The following PTPRN2 variants were observed in gnomAD, a reference collection of about 807,000 sequenced individuals.
PTPRN2 encodes the protein protein tyrosine phosphatase receptor type N2, also known as receptor-type tyrosine-protein phosphatase N2.
A neutral mutation model predicts 118.8 loss-of-function variants in PTPRN2; 74 were observed. That is an observed-to-expected ratio of 0.62 (90% CI 0.52 to 0.76). The LOEUF (loss-of-function observed/expected upper bound fraction) is 0.76, where lower values mean the gene tolerates loss of function less well. Among genes scored for constraint, PTPRN2 ranks in the 30% least tolerant of loss-of-function variants. The pLI is 0.00. For missense variants in PTPRN2, 1,481 were observed against 1,394.4 expected, an observed-to-expected ratio of 1.06 and a Z score of -0.99; for synonymous variants, 641 against 608.0, an observed-to-expected ratio of 1.05 and a Z score of -0.80.
In PTPRN2 at chr7:158,385,350, A is replaced by G. The variant is rs866188836; in HGVS notation, c.164-68418T>C. Among the ~76,000 whole-genome samples, 11 of 152,342 alleles carry G rather than the reference A, an allele frequency of 7.2e-5. No individual in the cohort carries two copies. The South Asian group carries it at 2.3e-3, about 32-fold the overall frequency. On this transcript the variant is annotated intron_variant, in intron 2 of 22. Coordinates refer to ENST00000389418, the MANE Select transcript of PTPRN2 (RefSeq NM_002847.5). Reference sequence around the variant, plus strand: ...GAACCGATGAAGATGTACTCTGATGACATTTCAGATTTTGAAAGGATTTGA... The same window carrying G: ...GAACCGATGAAGATGTACTCTGATGGCATTTCAGATTTTGAAAGGATTTGA...
At chr7:158,561,930 G>A (rs1827415174) in intron 1 of PTPRN2, among the ~76,000 whole-genome samples, 1 of 152,192 alleles carries the variant, frequency 6.6e-6, no homozygotes, top group African/African-American at 2.4e-5. Flanking sequence ...TGGTCCCCAA[G>A]AAGAGGAACA....
At chr7:158,314,128 C>A (rs897497311) in intron 3 of PTPRN2, among the ~76,000 whole-genome samples, 1 of 152,158 alleles carries the variant, frequency 6.6e-6, no homozygotes, top group African/African-American at 2.4e-5. Context: ...ATGTTCAGTG[C>A]CAGTTGCCAG....
At position 158,469,943 on chromosome 7, in the gene PTPRN2, G is replaced by A. The variant is rs1196936250; in HGVS notation, c.163+19792C>T. On this transcript the variant is annotated intron_variant, in intron 2 of 22. Transcript: ENST00000389418. ...ATAACGGGCTGTTGCCATAACAGGA[G>A]CTGGGATTTGTCCTAGTGCATCATA... is the stretch of plus-strand genomic sequence containing the variant. Among the ~76,000 whole-genome samples the A allele has an allele frequency of 4.6e-5, 7 of 151,976 alleles. No homozygotes were observed. The East Asian group carries it at 1.4e-3, about 29-fold the overall frequency.
chr7:158,243,238 C>A (rs1366332655), intron 3 of PTPRN2, among the ~76,000 whole-genome samples: 1 of 152,200 alleles, frequency 6.6e-6, no homozygotes, highest in Non-Finnish European at 1.5e-5. Flanking sequence ...GGAAAGCTTT[C>A]ATTTCCATAT....
In PTPRN2 at chr7:158,238,248, C is replaced by T. The variant is rs538901749; in HGVS notation, c.278-32975G>A. Among the ~76,000 whole-genome samples the T allele has an allele frequency of 5.3e-5, 8 of 152,268 alleles. No homozygotes were observed. In the East Asian group the frequency reaches 1.6e-3, roughly 30 times the overall value. ...CTCTGGGGGGCATCCCTCCCTACAG[C>T]TGGGCCTGGAGAGGAGCCCAGCACA... On this transcript the variant is annotated intron_variant, in intron 3 of 22. Transcript: ENST00000389418.
chr7:157,771,440 G>A (rs2151025986), intron 12 of PTPRN2, among the ~76,000 whole-genome samples: 2 of 152,280 alleles, frequency 1.3e-5, no homozygotes, highest in South Asian at 4.1e-4. Flanking sequence ...ATGCCCTTCT[G>A]TGGCTTGCAG....
At chr7:158,532,173 G>A (rs902699018) in intron 1 of PTPRN2, among the ~76,000 whole-genome samples, 5 of 152,216 alleles carry the variant, frequency 3.3e-5, no homozygotes, top group African/African-American at 4.8e-5. Flanking sequence ...GGTGCAGACC[G>A]CTTCAGGGTT....
At chr7:158,423,861 C>T (rs532070926) in intron 2 of PTPRN2, among the ~76,000 whole-genome samples, 2 of 152,048 alleles carry the variant, frequency 1.3e-5, no homozygotes, top group South Asian at 2.1e-4. Flanking sequence ...AGTCCCTTTA[C>T]GGCCAACACT....
chr7:158,371,859 A>G (rs1023430092), intron 2 of PTPRN2, among the ~76,000 whole-genome samples: 8 of 152,256 alleles, frequency 5.3e-5, no homozygotes, highest in African/African-American at 1.9e-4. Flanking sequence ...CTCAAGATAT[A>G]GTACTTATTG....
At chr7:157,668,770 G>C (rs554986043) in intron 13 of PTPRN2, among the ~76,000 whole-genome samples, 1 of 152,198 alleles carries the variant, frequency 6.6e-6, no homozygotes, top group African/African-American at 2.4e-5. Context: ...TGCAGGGCAC[G>C]TGACGACAGG....
At chr7:158,274,399 G>T in intron 3 of PTPRN2, among the ~76,000 whole-genome samples, 1 of 139,252 alleles carries the variant, frequency 7.2e-6, no homozygotes, top group African/African-American at 2.7e-5. Flanking sequence ...GGCACAGGGG[G>T]AGCCACAGGC....
chr7:158,380,363 C>T (rs1055126233), intron 2 of PTPRN2, among the ~76,000 whole-genome samples: 4 of 152,300 alleles, frequency 2.6e-5, no homozygotes, highest in South Asian at 2.1e-4. Flanking sequence ...TACAGCCATT[C>T]CAAATGGGAG....
intron 14 of PTPRN2, among the ~76,000 whole-genome samples, chr7:157,624,635 A>T (rs1350122807): frequency 6.6e-6 from 1 of 152,182 alleles, no homozygotes; most frequent in East Asian, 1.9e-4. Flanking sequence ...TGGGTACTTG[A>T]AGTTCAGTTT....
intron 2 of PTPRN2, among the ~76,000 whole-genome samples, chr7:158,477,923 C>A (rs1022198948): frequency 4.6e-5 from 7 of 152,318 alleles, no homozygotes; most frequent in African/African-American, 1.7e-4. Flanking sequence ...CAGGCGGTGT[C>A]CACAACTCTG....
At chr7:158,524,693 G>A (rs1007140113) in intron 1 of PTPRN2, among the ~76,000 whole-genome samples, 2 of 152,152 alleles carry the variant, frequency 1.3e-5, no homozygotes. Flanking sequence ...GGTTTTTGCA[G>A]GAAAAATTGG....
rs188643742 is a variant in PTPRN2 at position 158,139,782 on chromosome 7, G to A, written c.911-1267C>T. Among the ~76,000 whole-genome samples the A allele has an allele frequency of 2.6e-5, 4 of 152,298 alleles. No homozygotes were observed. The East Asian group carries it at 7.7e-4, about 29-fold the overall frequency. On this transcript the variant is annotated intron_variant, in intron 6 of 22. Transcript: ENST00000389418. ...ACCCTGCATGTCCTGTAAGAACAAC[G>A]TATTTCATACAATGTGCAGAGTCAG...
At chr7:157,952,494 G>T (rs1450628979) in intron 11 of PTPRN2, among the ~76,000 whole-genome samples, 1 of 151,840 alleles carries the variant, frequency 6.6e-6, no homozygotes, top group Admixed American at 6.6e-5. Flanking sequence ...AGGCGAGGGT[G>T]GGGAGGGAGA....
chr7:157,615,772 G>A lies in PTPRN2; in HGVS notation c.2344+5590C>T. ...GGCTGAACGAGAATCGGTTACAGGA[G>A]ATGAACACAAGGCTCGATTCTCCTG... On this transcript the variant is annotated intron_variant, in intron 15 of 22. Coordinates refer to ENST00000389418, the MANE Select transcript of PTPRN2 (RefSeq NM_002847.5). The surrounding 1 kb of genome is among the most constrained non-coding windows in gnomAD (Gnocchi z 4.3). 2.7e-6 allele frequency: 1 copy of A among 375,070 alleles called. No individual in the cohort carries two copies. The highest frequency in any genetic ancestry group is 5.4e-6 in the Non-Finnish European group (1 of 186,158). 23.2% of individuals were successfully genotyped at this position (375,070 alleles called of 1,614,324 possible).
chr7:158,460,740 T>C (rs1670370), intron 2 of PTPRN2, among the ~76,000 whole-genome samples: 83,086 of 151,504 alleles, frequency 0.55, 22,893 homozygotes, highest in African/African-American at 0.56. Context: ...AGTCAAGCCA[T>C]GGCCCCAGCT....
Sources: allele counts gnomAD v4.1 joint callset (sites outside exome capture counted in the v4.1 genomes callset), GRCh38; gene constraint gnomAD v4.1.1; non-coding constraint Gnocchi (gnomAD v3.1); transcripts MANE v1.5; gene names NCBI Gene and HGNC (gene_info 2026-07-23, HGNC 2026-07-21).